ZNF557: variants seen among roughly 807,000 people sequenced by gnomAD.
ZNF557 encodes the protein zinc finger protein 557.
Under a neutral mutation model 21.2 loss-of-function variants are expected in ZNF557, and 19 were observed. The observed-to-expected ratio is 0.90, with a 90% confidence interval of 0.63 to 1.32. ZNF557 has a LOEUF of 1.32. Ranked by LOEUF, ZNF557 falls within the 40% of genes most tolerant of loss-of-function variation. The pLI is 0.00. For synonymous variants in ZNF557, 207 were observed against 194.8 expected (o/e 1.06, Z -0.52); for missense variants, 487 against 519.8 (o/e 0.94, Z 0.61).
Position 7,083,250 on chromosome 19 carries a change from A to C in ZNF557, c.799A>C (p.Asn267His). The change falls in exon 8 of 8, where the codon AAC (asparagine) becomes CAC (histidine). Residue 267 changes from asparagine to histidine, a missense_variant. Transcript: ENST00000252840. The stretch of plus-strand genomic sequence containing the variant: ...CACTGGAGAAAAACCGTACAAATGT[A>C]ACCAGTGTTTTCGTGAGTTCCGCAC... ...IHTGEKPYKC[N>H]QCFREFRTQS... 1 of 1,614,236 alleles carries C rather than the reference A, an allele frequency of 6.2e-7. No individual in the cohort carries two copies. Among genetic ancestry groups the C allele is most frequent in the East Asian group, 2.2e-5 (1 of 44,888 alleles).
chr19:7,079,453 G>A (rs1390706816), intron 5 of ZNF557, among the ~76,000 whole-genome samples: 1 of 151,846 alleles, frequency 6.6e-6, no homozygotes, highest in African/African-American at 2.4e-5. Context: ...TGTTAGCCAG[G>A]ATGATCTCGA....
chr19:7,087,968 ATTCT>A (rs1787216914), downstream of ZNF557: 1 of 152,146 alleles, frequency 6.6e-6, no homozygotes, highest in Non-Finnish European at 1.5e-5. Context: ...AGATTAACAA[ATTCT>A]TTCTGTAATT....
rs1162427360 is a variant in ZNF557 at position 7,069,752 on chromosome 19, T to C, written c.-193T>C. 1.3e-5 allele frequency: 2 copies of C among 152,252 alleles called. No homozygotes were observed. Among genetic ancestry groups the C allele is most frequent in the Non-Finnish European group, 2.9e-5 (2 of 68,046 alleles). The allele number at this position is 152,252 out of a possible 1,614,324, so 9.4% of individuals were successfully genotyped here. ...CAGCGTCTGGGAGAATCTTTCGGTC[T>C]CCGCGAGAGGTGCTTCATTCCGTGA... On this transcript the variant is annotated 5_prime_UTR_variant, in exon 1 of 8. Coordinates refer to ENST00000252840, the MANE Select transcript of ZNF557 (RefSeq NM_024341.3).
At chr19:7,074,076 C>T (rs1044636537) in intron 2 of ZNF557, among the ~76,000 whole-genome samples, 3 of 150,334 alleles carry the variant, frequency 2.0e-5, no homozygotes, top group South Asian at 2.1e-4. Flanking sequence ...TCCCGGCTCA[C>T]TACAAGCTCT....
chr19:7,083,383 A>C lies in ZNF557; in HGVS notation c.932A>C (p.Tyr311Ser). Reference protein sequence around the residue: ...FGTRSSLSSHYSIHTGEYPYE... With the variant: ...FGTRSSLSSHSSIHTGEYPYE... ...ACGAGGTCATCTCTTTCTTCGCACT[A>C]TAGCATTCATACAGGGGAGTACCCT... is the stretch of plus-strand genomic sequence containing the variant. Residue 311 changes from tyrosine to serine, a missense_variant, in exon 8 of 8, where the codon TAT becomes TCT. Tyr to Ser is a moderately radical substitution (Grantham distance 144). Coordinates refer to ENST00000252840, the MANE Select transcript of ZNF557 (RefSeq NM_024341.3). 2 of 1,614,252 alleles carry C rather than the reference A, an allele frequency of 1.2e-6. No individual in the cohort carries two copies. Among genetic ancestry groups the C allele is most frequent in the South Asian group, 1.1e-5 (1 of 91,092 alleles).
intron 5 of ZNF557, among the ~76,000 whole-genome samples, chr19:7,078,764 T>G (rs1234431065): frequency 2.0e-5 from 3 of 152,142 alleles, no homozygotes; most frequent in Non-Finnish European, 4.4e-5. Flanking sequence ...CTCCTTTCTC[T>G]GTCTCCTCTC....
chr19:7,086,783 T>G lies in ZNF557; in HGVS notation c.*3039T>G, dbSNP rs1469932479. The G allele has an allele frequency of 6.6e-6, 1 of 151,374 alleles. No individual in the cohort carries two copies. Among genetic ancestry groups the G allele is most frequent in the African/African-American group, 2.4e-5 (1 of 41,264 alleles). The allele number at this position is 151,374 out of a possible 1,614,324, so 9.4% of individuals were successfully genotyped here. A position where few individuals can be genotyped will look rare whatever the true frequency, so the allele number is the denominator to read the frequency against. On this transcript the variant is annotated 3_prime_UTR_variant, in exon 8 of 8. Coordinates refer to ENST00000252840, the MANE Select transcript of ZNF557 (RefSeq NM_024341.3). ...GCTCATGCCTGTAATCCCAGCACTT[T>G]GGGAGGCCGAGGCAGGCGGACCACC...
intron 6 of ZNF557, 116 bp downstream of exon 6, chr19:7,081,571 T>C: frequency 4.1e-6 from 3 of 726,086 alleles, no homozygotes; most frequent in Non-Finnish European, 4.6e-6. Context: ...TAAATGCCCC[T>C]TTTCCCAAGA....
chr19:7,076,775 C>T (rs1261710935), intron 5 of ZNF557, among the ~76,000 whole-genome samples: 4 of 152,110 alleles, frequency 2.6e-5, no homozygotes, highest in Non-Finnish European at 4.4e-5. Flanking sequence ...AGGCACTAAT[C>T]TTTCCGTCTC....
intron 2 of ZNF557, among the ~76,000 whole-genome samples, chr19:7,071,609 C>T (rs952328593): frequency 2.6e-5 from 4 of 151,976 alleles, no homozygotes; most frequent in Admixed American, 6.6e-5. Flanking sequence ...TTTGGGAGGC[C>T]GAGGTAGGTG....
chr19:7,075,594 C>T (rs1455243695), intron 3 of ZNF557, 61 bp from the exon 4 acceptor site: 4 of 1,560,860 alleles, frequency 2.6e-6, no homozygotes, highest in African/African-American at 1.4e-5. Context: ...GGGAAGCCTC[C>T]AGATGTGTGA....
chr19:7,070,176 G>A (rs1350166881), intron 1 of ZNF557, among the ~76,000 whole-genome samples: 1 of 152,196 alleles, frequency 6.6e-6, no homozygotes, highest in African/African-American at 2.4e-5. Flanking sequence ...AAACCCTGCT[G>A]GAGGGCATTA....
rs71177147 is a variant in ZNF557, at chr19:7,071,799, C to CAAAAAA, written c.-80+1166_-80+1171dup. The stretch of plus-strand genomic sequence containing the variant: ...TGGGCAACAGAGCAAGACTGCATCT[C>CAAAAAA]AAAAAAAAAAAAAAAAAAAAAAAAA... On this transcript the variant is annotated intron_variant, in intron 2 of 7. Transcript: ENST00000252840. 7.6e-4 allele frequency among the ~76,000 whole-genome samples: 42 copies of CAAAAAA among 55,016 alleles called. 4 individuals are homozygous for CAAAAAA. Among genetic ancestry groups the CAAAAAA allele is most frequent in the East Asian group, 2.5e-3 (4 of 1,632 alleles). The allele number at this position is 55,016 out of a possible 152,430, so 36.1% of individuals were successfully genotyped here.
At chr19:7,082,841 T>C (rs1385507533) in intron 7 of ZNF557, 37 bp from the exon 8 acceptor site, 3 of 1,516,026 alleles carry the variant, frequency 2.0e-6, no homozygotes, top group South Asian at 1.3e-5. Context: ...GTTAAAAATA[T>C]TATAAATGGT....
Position 7,075,045 on chromosome 19 carries a change from C to T in ZNF557, c.-30C>T, listed in dbSNP as rs377725494. 1,156 of 1,613,902 alleles carry T rather than the reference C, an allele frequency of 7.2e-4. No individual in the cohort carries two copies. The highest frequency in any genetic ancestry group is 9.0e-4 in the Non-Finnish European group (1,057 of 1,179,978). On this transcript the variant is annotated 5_prime_UTR_variant, in exon 3 of 8. Coordinates refer to ENST00000252840, the MANE Select transcript of ZNF557 (RefSeq NM_024341.3). ...GATAAAGGAGGAGCGTCCTGCTTCCCGGCTGCCCTGTTGCTGTCGGAGTCA... is the reference window on the plus strand; with the variant it reads ...GATAAAGGAGGAGCGTCCTGCTTCCTGGCTGCCCTGTTGCTGTCGGAGTCA...
chr19:7,073,687 C>T (rs1361416837), intron 2 of ZNF557, among the ~76,000 whole-genome samples: 1 of 152,070 alleles, frequency 6.6e-6, no homozygotes. Context: ...CAAGTACCAG[C>T]GAACAACTGG....
In ZNF557 at chr19:7,085,461, G is replaced by A. The variant is rs1305864748; in HGVS notation, c.*1717G>A. 1 of 152,198 alleles carries A rather than the reference G, an allele frequency of 6.6e-6. No homozygotes were observed. Among genetic ancestry groups the A allele is most frequent in the Non-Finnish European group, 1.5e-5 (1 of 68,038 alleles). 9.4% of individuals were successfully genotyped at this position (152,198 alleles called of 1,614,324 possible). ...ATACAGGAACGAGCTACCACTCTCA[G>A]CCAGAACTTCTTAAGATAAAGGATG... On this transcript the variant is annotated 3_prime_UTR_variant, in exon 8 of 8. Coordinates refer to ENST00000252840, the MANE Select transcript of ZNF557 (RefSeq NM_024341.3).
Position 7,081,388 on chromosome 19 carries a change from C to A in ZNF557, c.276C>A (p.Ile92=), listed in dbSNP as rs749971207. ...ACCAAGTTGATAAACCTAGGCTGAT[C>A]TCCCAGCTGGAGCAAGAAGATAAAG... ...LGNQVDKPRL[I]SQLEQEDKVM... The change falls in exon 6 of 8, where the codon ATC becomes ATA. Residue 92 remains isoleucine, a synonymous_variant. Coordinates refer to ENST00000252840, the MANE Select transcript of ZNF557 (RefSeq NM_024341.3). 50 of 1,613,838 alleles carry A rather than the reference C, an allele frequency of 3.1e-5. No individual in the cohort carries two copies. The highest frequency in any genetic ancestry group is 4.0e-5 in the Non-Finnish European group (47 of 1,179,932).
intron 2 of ZNF557, among the ~76,000 whole-genome samples, chr19:7,071,620 G>A (rs1373379091): frequency 1.3e-5 from 2 of 152,112 alleles, no homozygotes; most frequent in African/African-American, 2.4e-5. Context: ...GAGGTAGGTG[G>A]ATCACCTGAG....
Sources: gnomAD v4.1 joint callset for allele counts (sites outside exome capture counted in the v4.1 genomes callset) on GRCh38, gnomAD v4.1.1 for gene constraint, MANE v1.5 for transcripts, NCBI Gene and HGNC (gene_info 2026-07-23, HGNC 2026-07-21) for gene names.